The following ZNF273 variants were observed in gnomAD, a reference collection of about 807,000 sequenced individuals.
ZNF273 encodes zinc finger protein 9.
Under a neutral mutation model 14.9 loss-of-function variants are expected in ZNF273, and 11 were observed. The ratio of observed to expected loss-of-function variants is 0.74; its 90% CI spans 0.46 to 1.22. The LOEUF (loss-of-function observed/expected upper bound fraction) is 1.22. Ranked by LOEUF, ZNF273 falls within the 50% of genes most tolerant of loss-of-function variation. The probability of loss-of-function intolerance (pLI) is 0.00; values close to 1 mark genes in which losing one functional copy is unlikely to be tolerated. For synonymous variants in ZNF273, 199 were observed against 223.9 expected, an observed-to-expected ratio of 0.89 and a Z score of 0.99; for missense variants, 577 against 660.6, an observed-to-expected ratio of 0.87 and a Z score of 1.39.
downstream of ZNF273, among the ~76,000 whole-genome samples, chr7:64,884,138 G>A (rs1046820221): frequency 6.6e-6 from 1 of 152,170 alleles, no homozygotes; most frequent in Non-Finnish European, 1.5e-5. Flanking sequence ...GGCTGTTGCT[G>A]TATGTGAGTG....
In ZNF273 at chr7:64,917,698, G is replaced by A; in HGVS notation, c.220G>A (p.Val74Ile). Residue 74 changes from valine to isoleucine, a missense_variant, in exon 2 of 4, where the codon GTC becomes ATC. Physicochemically the swap from Val to Ile is conservative, Grantham distance 29. Transcript: ENST00000476120. The stretch of plus-strand genomic sequence containing the variant: ...GATGTTAGATAACTACAGAAACCTG[G>A]TCTTCCTGGGTGAGGATAATTTTAA... ...NVMLDNYRNL[V>I]FLGIAVSKPD... is the part of the protein sequence containing the mutation. The A allele has an allele frequency of 6.3e-7, 1 of 1,590,996 alleles. No individual in the cohort carries two copies. Among genetic ancestry groups the A allele is most frequent in the Non-Finnish European group, 8.6e-7 (1 of 1,166,810 alleles).
At chr7:64,890,264 G>C (rs2863985), downstream of ZNF273, among the ~76,000 whole-genome samples, 6,128 of 146,320 alleles carry the variant, frequency 0.042, 155 homozygotes, top group Middle Eastern at 0.086. Flanking sequence ...GGACATCTGC[G>C]TGTCTCAGTA....
upstream of ZNF273, among the ~76,000 whole-genome samples, chr7:64,899,947 A>G (rs1220809639): frequency 1.3e-5 from 2 of 151,740 alleles, no homozygotes; most frequent in Non-Finnish European, 2.9e-5. Context: ...TTTAGTAGAG[A>G]CGGGGTTTCT....
intron 1 of ZNF273, among the ~76,000 whole-genome samples, chr7:64,910,348 T>C (rs908916520): frequency 6.6e-6 from 1 of 152,224 alleles, no homozygotes; most frequent in Admixed American, 6.5e-5. Flanking sequence ...GAGTTGACTT[T>C]TGTATGTAGT....
intron 1 of ZNF273, among the ~76,000 whole-genome samples, chr7:64,885,020 G>A (rs1340963318): frequency 2.6e-5 from 4 of 152,208 alleles, no homozygotes; most frequent in African/African-American, 4.8e-5. Flanking sequence ...TGCGCCAGTC[G>A]CGGGACACCT....
rs1794840395 is a variant in ZNF273 at position 64,927,894 on chromosome 7, A to G, written c.566A>G (p.Lys189Arg). Residue 189 changes from lysine (K) to arginine (R), a missense_variant, in exon 4 of 4, where the codon AAA becomes AGA. Physicochemically the swap from Lys to Arg is conservative, Grantham distance 26 (BLOSUM62 2). This residue lies in a region of ZNF273 where 411 missense variants were observed against 440.4 expected (regional missense o/e 0.93). Coordinates refer to ENST00000476120, the MANE Select transcript of ZNF273 (RefSeq NM_021148.3). ...GATAAATATGTTAAAGTCCTTCATA[A>G]ATTCTCAAATTCAAATATACATAAG... ...QCDKYVKVLHKFSNSNIHKKR... is the reference protein window; with the variant it reads ...QCDKYVKVLHRFSNSNIHKKR... 6.2e-7 allele frequency: 1 copy of G among 1,613,526 alleles called. No individual in the cohort carries two copies. Among genetic ancestry groups the G allele is most frequent in the Non-Finnish European group, 8.5e-7 (1 of 1,179,786 alleles).
At chr7:64,918,102 A>G (rs1428782705) in intron 2 of ZNF273, 95 bp from the exon 3 acceptor site, 34 of 1,149,778 alleles carry the variant, frequency 3.0e-5, no homozygotes, top group Non-Finnish European at 3.3e-5. Context: ...TTAATTTACT[A>G]GAATACTTAA....
intron 1 of ZNF273, among the ~76,000 whole-genome samples, chr7:64,914,032 A>C (rs189159436): frequency 3.3e-5 from 5 of 151,984 alleles, no homozygotes; most frequent in African/African-American, 1.2e-4. Flanking sequence ...TTTTTGAGAC[A>C]GATTTTTGCT....
At chr7:64,926,247 A>G (rs1584012108) in intron 3 of ZNF273, among the ~76,000 whole-genome samples, 1 of 151,390 alleles carries the variant, frequency 6.6e-6, no homozygotes, top group African/African-American at 2.4e-5. Context: ...TCATAAGACT[A>G]TCCTTGTAAA....
intron 1 of ZNF273, among the ~76,000 whole-genome samples, chr7:64,916,879 G>A (rs866935041): frequency 6.6e-6 from 1 of 151,138 alleles, no homozygotes; most frequent in African/African-American, 2.4e-5. Context: ...TCTTACTATA[G>A]AGTTAATTAT....
Position 64,927,850 on chromosome 7 carries a change from G to C in ZNF273, c.522G>C (p.Gln174His). 3.7e-6 allele frequency: 6 copies of C among 1,613,982 alleles called. No individual in the cohort carries two copies. Among genetic ancestry groups the C allele is most frequent in the Non-Finnish European group, 5.1e-6 (6 of 1,179,958 alleles). Residue 174 changes from glutamine (Q) to histidine (H), a missense_variant, in exon 4 of 4, where the codon CAG (glutamine) becomes CAC (histidine). By Grantham distance (24) the Gln-to-His change is conservative. This residue lies in a region of ZNF273 where 162 missense variants were observed against 203.5 expected (regional missense o/e 0.80). Transcript: ENST00000476120. ...NGLNQCLTTTQSKIFQCDKYV... is the reference protein window; with the variant it reads ...NGLNQCLTTTHSKIFQCDKYV... ...TTAACCAATGTTTGACAACTACCCA[G>C]AGCAAAATATTTCAATGTGATAAAT... is the stretch of plus-strand genomic sequence containing the variant.
At chr7:64,889,931 G>C (rs898344575), downstream of ZNF273, 3 of 170,466 alleles carry the variant, frequency 1.8e-5, no homozygotes, top group African/African-American at 9.1e-5. This position sits in a 1 kb window ranked among gnomAD's most constrained non-coding sequence, Gnocchi z 4.2. Flanking sequence ...CCTCTATCTG[G>C]TGAGGCCACC....
downstream of ZNF273, among the ~76,000 whole-genome samples, chr7:64,931,439 G>C (rs915396806): frequency 6.6e-6 from 1 of 151,734 alleles, no homozygotes; most frequent in African/African-American, 2.4e-5. Flanking sequence ...AGCTGGTCAG[G>C]GATTACAACA....
chr7:64,880,645 T>A (rs534234745), downstream of ZNF273, among the ~76,000 whole-genome samples: 5 of 152,108 alleles, frequency 3.3e-5, no homozygotes, highest in Non-Finnish European at 7.4e-5. Context: ...CGGGGCTCCG[T>A]GTCCTTTACT....
chr7:64,886,747 C>A (rs1791605506), intron 1 of ZNF273, among the ~76,000 whole-genome samples: 2 of 152,194 alleles, frequency 1.3e-5, no homozygotes, highest in South Asian at 4.1e-4. Flanking sequence ...GGAACTCACA[C>A]CTGGGCACAC....
chr7:64,924,439 T>C (rs975950921), intron 3 of ZNF273: 3 of 152,206 alleles, frequency 2.0e-5, no homozygotes, highest in African/African-American at 7.2e-5. Flanking sequence ...AATTATATTG[T>C]TCTCTATGTG....
In ZNF273 at chr7:64,909,429, A is replaced by AGT. The variant is rs1793336611; in HGVS notation, c.102+6010_102+6011insGT. 3.3e-5 allele frequency among the ~76,000 whole-genome samples: 5 copies of AGT among 151,826 alleles called. No individual in the cohort carries two copies. In the South Asian group the frequency reaches 1.0e-3, roughly 31 times the overall value. On this transcript the variant is annotated intron_variant, in intron 1 of 3. Transcript: ENST00000476120. ...TTTTTAGTAGAGACGGGGTTTCAAC[A>AGT]TGGTGTCCAGGCTGGTCTCCAACTC...
At chr7:64,878,218 G>A (rs1450061913) in intron 1 of ZNF273, among the ~76,000 whole-genome samples, 3 of 151,316 alleles carry the variant, frequency 2.0e-5, no homozygotes, top group Non-Finnish European at 4.4e-5. Flanking sequence ...GTGGTGAAGT[G>A]GGGGGACTGG....
intron 1 of ZNF273, among the ~76,000 whole-genome samples, chr7:64,907,971 C>G (rs1254532132): frequency 6.6e-6 from 1 of 152,234 alleles, no homozygotes; most frequent in Admixed American, 6.5e-5. Flanking sequence ...CACACCCCTC[C>G]CAGGACTAGG....
Sources: allele counts gnomAD v4.1 joint callset (sites outside exome capture counted in the v4.1 genomes callset), GRCh38; gene constraint gnomAD v4.1.1; regional missense constraint gnomAD v4.1.1; non-coding constraint Gnocchi (gnomAD v3.1); transcripts MANE v1.5; gene names NCBI Gene and HGNC (gene_info 2026-07-23, HGNC 2026-07-21).